Variants in PNCK observed in about 807,000 individuals in gnomAD.
PNCK encodes the protein calcium/calmodulin-dependent protein kinase type 1B.
PNCK carries 21 observed loss-of-function variants against 28.3 expected under a neutral mutation model. The ratio of observed to expected loss-of-function variants is 0.74; its 90% CI spans 0.53 to 1.07. PNCK has a LOEUF of 1.07. Ranked by LOEUF, PNCK falls within the 50% of genes least tolerant of loss-of-function variation. The probability of loss-of-function intolerance (pLI) is 0.00; values close to 1 mark genes in which losing one functional copy is unlikely to be tolerated. For synonymous variants in PNCK, 136 were observed against 125.2 expected (o/e 1.09, Z -0.58); for missense variants, 250 against 298.3 (o/e 0.84, Z 1.19).
At position 153,671,070 on chromosome X, in the gene PNCK, A is replaced by T; in HGVS notation, c.727+8T>A. The T allele has an allele frequency of 8.3e-7, 1 of 1,212,115 alleles. No individual in the cohort carries two copies. The highest frequency in any genetic ancestry group is 1.1e-6 in the Non-Finnish European group (1 of 895,507). On this transcript the variant is annotated splice_region_variant and intron_variant, in intron 8 of 11. Transcript: ENST00000340888. ...TCACCTCCAAGCACGGGCCAGCCTC[A>T]AGCTCACCTGATTCTGAGATGTCAT...
chrX:153,672,946 C>CA, intron 2 of PNCK, 63 bp downstream of exon 2: 2 of 1,089,528 alleles, frequency 1.8e-6, no homozygotes, highest in Admixed American at 5.5e-5. Flanking sequence ...CATGCCATCT[C>CA]ACACAGGTAC....
upstream of PNCK, chrX:153,674,176 G>A (rs1557041166): frequency 3.3e-6 from 4 of 1,204,500 alleles, no homozygotes; most frequent in South Asian, 3.6e-5. Flanking sequence ...CAGCCTCCAT[G>A]CCTAGCTCCA....
At chrX:153,686,786 C>T (rs2091422322) in intron 1 of PNCK, 1 of 112,497 alleles carries the variant, frequency 8.9e-6, no homozygotes, top group African/African-American at 3.2e-5. Flanking sequence ...CTCCCCCAAC[C>T]ACACACACCC....
At chrX:153,680,557 T>A (rs1557042326) in intron 1 of PNCK, among the ~76,000 whole-genome samples, 1 of 110,511 alleles carries the variant, frequency 9.0e-6, no homozygotes, top group Non-Finnish European at 1.9e-5. Context: ...CAGATTTTTT[T>A]TTTATAGCAA....
At chrX:153,680,604 G>A (rs1296706641) in intron 1 of PNCK, among the ~76,000 whole-genome samples, 4 of 110,643 alleles carry the variant, frequency 3.6e-5, no homozygotes, top group Admixed American at 1.9e-4. Context: ...ATAAAGAGCT[G>A]TAGTCCCAGC....
rs143688303 is a variant in PNCK, at chrX:153,671,890, C to T, written c.404G>A (p.Arg135Gln). The change falls in exon 5 of 12, where the codon CGG becomes CAG. Residue 135 changes from arginine to glutamine, a missense_variant. Coordinates refer to ENST00000340888, the MANE Select transcript of PNCK (RefSeq NM_001366977.1). ...GCCCCAGCCAGGCACCTTGAGGTCC[C>T]GGTGCACGATCCCCAGGCTGTGCAG... ...SYLHSLGIVH[R>Q]DLKPENLLYA... 14 of 1,206,410 alleles carry T rather than the reference C, an allele frequency of 1.2e-5. No homozygotes were observed. The highest frequency in any genetic ancestry group is 3.5e-5 in the African/African-American group (2 of 57,123).
chrX:153,674,368 T>C, upstream of PNCK: 1 of 546,037 alleles, frequency 1.8e-6, no homozygotes, highest in Non-Finnish European at 2.7e-6. Context: ...AGTCAAAGCA[T>C]GAGTCCTTAG....
Position 153,670,054 on chromosome X carries a change from GA to G in PNCK, c.*83del. 1 of 278,308 alleles carries G rather than the reference GA, an allele frequency of 3.6e-6. No homozygotes were observed. The highest frequency in any genetic ancestry group is 6.8e-6 in the Non-Finnish European group (1 of 146,123). 22.9% of individuals were successfully genotyped at this position (278,308 alleles called of 1,213,427 possible). A position where few individuals can be genotyped will look rare whatever the true frequency, so the allele number is the denominator to read the frequency against. On this transcript the variant is annotated 3_prime_UTR_variant, in exon 12 of 12. Coordinates refer to ENST00000340888, the MANE Select transcript of PNCK (RefSeq NM_001366977.1). ...ATCCAGCAGAGGCCAGCCCCAGGGG[GA>G]GGGGTTGGGGGAGGGGACCGAAAGC...
chrX:153,683,121 T>G (rs2091402305), intron 1 of PNCK, among the ~76,000 whole-genome samples: 1 of 112,370 alleles, frequency 8.9e-6, no homozygotes, highest in Non-Finnish European at 1.9e-5. Context: ...CCTGAAAATT[T>G]GAAGGCTGGG....
rs149696532 is a variant in PNCK, at chrX:153,669,968, A to T, written c.*170T>A. Reference sequence around the variant, plus strand: ...CCCCCAGGCAGGGCAGAGCCTGGGGACAGACTTGGGGGTGCCCCATTCCAA... The same window carrying T: ...CCCCCAGGCAGGGCAGAGCCTGGGGTCAGACTTGGGGGTGCCCCATTCCAA... On this transcript the variant is annotated 3_prime_UTR_variant, in exon 12 of 12. Coordinates refer to ENST00000340888, the MANE Select transcript of PNCK (RefSeq NM_001366977.1). 9,518 of 324,886 alleles carry T rather than the reference A, an allele frequency of 0.029. 726 individuals are homozygous for T. Among genetic ancestry groups the T allele is most frequent in the African/African-American group, 0.23 (8,500 of 37,127 alleles). 26.8% of individuals were successfully genotyped at this position (324,886 alleles called of 1,213,427 possible).
chrX:153,671,910 G>A lies in PNCK; in HGVS notation c.384C>T (p.His128=), dbSNP rs1251560244. The change falls in exon 5 of 12, where the codon CAC becomes CAT. Residue 128 remains histidine (H), a synonymous_variant. Coordinates refer to ENST00000340888, the MANE Select transcript of PNCK (RefSeq NM_001366977.1). ...GQVLGAVSYL[H]SLGIVHRDLK... is the part of the protein sequence containing the mutation. ...GGTCCCGGTGCACGATCCCCAGGCT[G>A]TGCAGGTAGGAGACGGCGCCAAGGA... 8.3e-7 allele frequency: 1 copy of A among 1,208,138 alleles called. No individual in the cohort carries two copies. Among genetic ancestry groups the A allele is most frequent in the Non-Finnish European group, 1.1e-6 (1 of 894,838 alleles).
intron 1 of PNCK, among the ~76,000 whole-genome samples, chrX:153,682,934 C>A (rs782312724): frequency 8.9e-6 from 1 of 112,006 alleles, no homozygotes; most frequent in African/African-American, 3.2e-5. Context: ...AAATAAACAG[C>A]CTTGTTGCTC....
At position 153,672,560 on chromosome X, in the gene PNCK, G is replaced by A. The variant is rs1557040288; in HGVS notation, c.200+6C>T. ...GCCCCGTCCCAGGGCCCCGCGAGGT[G>A]CGCACCTACGGAGCACTGCGATCTC... On this transcript the variant is annotated splice_donor_region_variant and intron_variant, in intron 3 of 11. Transcript: ENST00000340888. The A allele has an allele frequency of 1.7e-6, 2 of 1,204,424 alleles. No homozygotes were observed. Among genetic ancestry groups the A allele is most frequent in the Non-Finnish European group, 2.2e-6 (2 of 894,789 alleles).
At chrX:153,678,590 G>A (rs1557042050), upstream of PNCK, among the ~76,000 whole-genome samples, 1 of 112,493 alleles carries the variant, frequency 8.9e-6, no homozygotes, top group Non-Finnish European at 1.9e-5. Context: ...GGTGGGGGGT[G>A]ATCTTATCAA....
intron 1 of PNCK, among the ~76,000 whole-genome samples, chrX:153,683,729 CAG>C (rs1424575217): frequency 3.6e-5 from 4 of 111,232 alleles, no homozygotes; most frequent in African/African-American, 1.3e-4. Context: ...GTTTGGCGGA[CAG>C]GGGGCTAGGG....
chrX:153,671,431 G>A (rs782663920), intron 6 of PNCK, 71 bp from the exon 7 acceptor site: 4 of 1,211,317 alleles, frequency 3.3e-6, no homozygotes, highest in African/African-American at 1.7e-5. Context: ...TCACTGGCTC[G>A]GCCTACTCAA....
chrX:153,686,092 G>GC (rs1191157616), intron 1 of PNCK, among the ~76,000 whole-genome samples: 2 of 111,905 alleles, frequency 1.8e-5, no homozygotes, highest in Admixed American at 9.4e-5. Flanking sequence ...ATTCTGGACA[G>GC]CCCCCCACCC....
intron 1 of PNCK, chrX:153,673,385 C>T (rs1488683976): frequency 7.6e-6 from 7 of 922,127 alleles, no homozygotes; most frequent in Non-Finnish European, 1.0e-5. Context: ...AGGCTCCATG[C>T]TCACCCACGC....
At chrX:153,677,630 T>TGTGTATATATA (rs2091373983), upstream of PNCK, among the ~76,000 whole-genome samples, 1 of 94,685 alleles carries the variant, frequency 1.1e-5, no homozygotes, top group African/African-American at 4.3e-5. Flanking sequence ...ATATATATAG[T>TGTGTATATATA]GTGTATATAT....
Sources: gnomAD v4.1 joint callset for allele counts (sites outside exome capture counted in the v4.1 genomes callset) on GRCh38, gnomAD v4.1.1 for gene constraint, MANE v1.5 for transcripts, NCBI Gene and HGNC (gene_info 2026-07-23, HGNC 2026-07-21) for gene names.